The following BRCA2 variants were observed in gnomAD, a reference collection of about 807,000 sequenced individuals.
The protein encoded by BRCA2 is BRCA2 DNA repair associated.
Under a neutral mutation model 276.7 loss-of-function variants are expected in BRCA2, and 203 were observed. That is an observed-to-expected ratio of 0.73 (90% confidence interval 0.65 to 0.82). BRCA2 has a LOEUF of 0.82. BRCA2 is among the 40% of genes least tolerant of loss of function. The probability of loss-of-function intolerance (pLI) is 0.00; values close to 1 mark genes in which losing one functional copy is unlikely to be tolerated. For synonymous variants in BRCA2, 1,289 were observed against 1,338.4 expected (o/e 0.96, Z 0.81); for missense variants, 3,920 against 3,915.0 (o/e 1.00, Z -0.03).
chr13:32,370,345 T>C, intron 18 of BRCA2, 57 bp from the exon 19 acceptor site: 1 of 1,500,626 alleles, frequency 6.7e-7, no homozygotes, highest in Non-Finnish European at 9.2e-7. Context: ...ATGATATCTG[T>C]AATAGAATTG....
intron 18 of BRCA2, among the ~76,000 whole-genome samples, chr13:32,365,411 G>A (rs776946028): frequency 3.3e-5 from 5 of 151,698 alleles, no homozygotes; most frequent in South Asian, 2.1e-4. Flanking sequence ...ACAAAGTCTC[G>A]CTCTTGTTGC....
intron 13 of BRCA2, among the ~76,000 whole-genome samples, chr13:32,352,530 A>C (rs2072660372): frequency 6.6e-6 from 1 of 152,244 alleles, no homozygotes; most frequent in Non-Finnish European, 1.5e-5. Flanking sequence ...TCAGCTAATC[A>C]CATGACTGCT....
chr13:32,365,679 G>A (rs1328071212), intron 18 of BRCA2, among the ~76,000 whole-genome samples: 1 of 124,560 alleles, frequency 8.0e-6, no homozygotes, highest in African/African-American at 3.0e-5. Context: ...CGCCCAGCCT[G>A]TTTTGTTGTT....
At chr13:32,356,359 T>C (rs913747082) in intron 14 of BRCA2, 69 bp from the exon 15 acceptor site, 3 of 1,504,422 alleles carry the variant, frequency 2.0e-6, no homozygotes, top group African/African-American at 1.4e-5. Context: ...CGTGAGCCAC[T>C]GTGCCTGGCC....
At chr13:32,389,910 A>G (rs2072985646) in intron 24 of BRCA2, among the ~76,000 whole-genome samples, 1 of 152,224 alleles carries the variant, frequency 6.6e-6, no homozygotes, top group East Asian at 1.9e-4. Context: ...TAGGAATAAC[A>G]GAATTCTCAA....
rs756951335 is a variant in BRCA2 at position 32,337,026 on chromosome 13, G to A, written c.2671G>A (p.Val891Ile). ...ELFSDNENNFVFQVANERNNL... is the reference protein window; with the variant it reads ...ELFSDNENNFIFQVANERNNL... ...TTTCTCAGACAATGAGAATAATTTT[G>A]TCTTCCAAGTAGCTAATGAAAGGAA... is the stretch of plus-strand genomic sequence containing the variant. Residue 891 changes from valine (V) to isoleucine (I), a missense_variant, in exon 11 of 27, where the codon GTC becomes ATC. Around this residue, in one of 2 missense-constraint regions of BRCA2, gnomAD observed 3,263 missense variants for 3,156.9 expected, o/e 1.03. Transcript: ENST00000380152. 1 of 1,592,436 alleles carries A rather than the reference G, an allele frequency of 6.3e-7. No homozygotes were observed. Among genetic ancestry groups the A allele is most frequent in the Admixed American group, 1.8e-5 (1 of 54,712 alleles).
chr13:32,374,496 G>A (rs1291071755), intron 20 of BRCA2, among the ~76,000 whole-genome samples: 1 of 152,158 alleles, frequency 6.6e-6, no homozygotes, highest in African/African-American at 2.4e-5. Flanking sequence ...TGAACACTCT[G>A]CTGCTTAGAA....
At position 32,338,272 on chromosome 13, in the gene BRCA2, T is replaced by C. The variant is rs80358637; in HGVS notation, c.3917T>C (p.Val1306Ala). 1 of 1,566,636 alleles carries C rather than the reference T, an allele frequency of 6.4e-7. No individual in the cohort carries two copies. The highest frequency in any genetic ancestry group is 1.2e-5 in the South Asian group (1 of 82,798). ...NNIEMTTGTF[V>A]EEITENYKRN... is the part of the protein sequence containing the mutation. ...ATTGAAATGACTACTGGCACTTTTG[T>C]TGAAGAAATTACTGAAAATTACAAG... The change falls in exon 11 of 27, where the codon GTT (valine) becomes GCT (alanine). Residue 1306 changes from valine (V) to alanine (A), a missense_variant. This residue lies in a region of BRCA2 where 3,263 missense variants were observed against 3,156.9 expected (regional missense o/e 1.03). Transcript: ENST00000380152.
chr13:32,347,264 A>G (rs748781003), intron 13 of BRCA2, among the ~76,000 whole-genome samples: 2 of 152,138 alleles, frequency 1.3e-5, no homozygotes, highest in Non-Finnish European at 2.9e-5. Flanking sequence ...TTTTTAATGT[A>G]TAATTCCCAA....
intron 11 of BRCA2, among the ~76,000 whole-genome samples, chr13:32,342,948 T>C (rs926107360): frequency 6.6e-6 from 1 of 151,786 alleles, no homozygotes; most frequent in African/African-American, 2.4e-5. Context: ...ACTAGGGAAG[T>C]TGAAGCAGGA....
chr13:32,387,122 A>T (rs2072966131), intron 24 of BRCA2, among the ~76,000 whole-genome samples: 1 of 152,188 alleles, frequency 6.6e-6, no homozygotes, highest in South Asian at 2.1e-4. Flanking sequence ...TTAGGACACC[A>T]GTCATTATAT....
Position 32,341,062 on chromosome 13 carries a change from A to T in BRCA2, c.6707A>T (p.Glu2236Val). Residue 2236 changes from glutamate to valine, a missense_variant, in exon 11 of 27, where the codon GAA (glutamate) becomes GTA (valine). This residue lies in a region of BRCA2 where 3,263 missense variants were observed against 3,156.9 expected (regional missense o/e 1.03). Coordinates refer to ENST00000380152, the MANE Select transcript of BRCA2 (RefSeq NM_000059.4). ...EAVEIAKAFMEDDELTDSKLP... is the reference protein window; with the variant it reads ...EAVEIAKAFMVDDELTDSKLP... ...GTAGAAATTGCTAAAGCTTTTATGG[A>T]AGATGATGAACTGACAGATTCTAAA... The T allele has an allele frequency of 6.2e-7, 1 of 1,614,018 alleles. No homozygotes were observed. Among genetic ancestry groups the T allele is most frequent in the Non-Finnish European group, 8.5e-7 (1 of 1,179,932 alleles).
chr13:32,353,784 G>T (rs995260636), intron 13 of BRCA2, among the ~76,000 whole-genome samples: 3 of 152,138 alleles, frequency 2.0e-5, no homozygotes, highest in Non-Finnish European at 4.4e-5. Context: ...GAAATCTGGG[G>T]TTTTCAACAA....
rs11571696 is a variant in BRCA2, at chr13:32,350,055, A to G, written c.7007+3159A>G. On this transcript the variant is annotated intron_variant, in intron 13 of 26. Transcript: ENST00000380152. ...TTTTCCACCACTCAGCTTCCAGAAC[A>G]TAGACAGCTAAGTTTTCACTAGTGG... Among the ~76,000 whole-genome samples, 13,107 of 152,180 alleles carry G rather than the reference A, an allele frequency of 0.086. 784 individuals carry two copies. Among genetic ancestry groups the G allele is most frequent in the Non-Finnish European group, 0.12 (7,880 of 67,986 alleles).
rs80358672 is a variant in BRCA2, at chr13:32,338,727, C to T, written c.4372C>T (p.His1458Tyr). Residue 1458 changes from histidine (H) to tyrosine (Y), a missense_variant, in exon 11 of 27, where the codon CAT (histidine) becomes TAT (tyrosine). Coordinates refer to ENST00000380152, the MANE Select transcript of BRCA2 (RefSeq NM_000059.4). ...NFFDQKPEEL[H>Y]NFSLNSELHS... Reference sequence around the variant, plus strand: ...CTTTGATCAGAAACCAGAAGAATTGCATAACTTTTCCTTAAATTCTGAATT... The same window carrying T: ...CTTTGATCAGAAACCAGAAGAATTGTATAACTTTTCCTTAAATTCTGAATT... The T allele has an allele frequency of 5.6e-6, 9 of 1,598,952 alleles. No individual in the cohort carries two copies. The East Asian group carries it at 1.8e-4, about 32-fold the overall frequency.
intron 12 of BRCA2, among the ~76,000 whole-genome samples, chr13:32,345,287 TTAAG>T (rs1264718974): frequency 6.6e-6 from 1 of 152,084 alleles, no homozygotes; most frequent in Non-Finnish European, 1.5e-5. Flanking sequence ...ACTCAATCAT[TTAAG>T]TGTGTTTTCT....
intron 12 of BRCA2, 44 bp from the exon 13 acceptor site, chr13:32,346,783 C>A (rs779588681): frequency 4.0e-6 from 6 of 1,493,838 alleles, no homozygotes; most frequent in Non-Finnish European, 5.5e-6. Flanking sequence ...TGGATATTCT[C>A]TTAGATTTTA....
At chr13:32,331,726 A>G (rs1200225827) in intron 9 of BRCA2, among the ~76,000 whole-genome samples, 1 of 151,356 alleles carries the variant, frequency 6.6e-6, no homozygotes, top group East Asian at 1.9e-4. Flanking sequence ...TTTTTTTTCT[A>G]ATTAGAAAGT....
intron 13 of BRCA2, among the ~76,000 whole-genome samples, chr13:32,352,049 C>T (rs2072656868): frequency 6.6e-6 from 1 of 152,150 alleles, no homozygotes; most frequent in African/African-American, 2.4e-5. Context: ...GATCCGCCCA[C>T]CTTGGCCTCC....
Sources: gnomAD v4.1 joint callset for allele counts (sites outside exome capture counted in the v4.1 genomes callset) on GRCh38, gnomAD v4.1.1 for gene constraint, gnomAD v4.1.1 regional missense constraint, MANE v1.5 for transcripts, NCBI Gene and HGNC (gene_info 2026-07-23, HGNC 2026-07-21) for gene names.